Variants in RPTOR observed in about 807,000 individuals in gnomAD.
RPTOR encodes the protein regulatory associated protein of MTOR complex 1.
Under a neutral mutation model 169.9 loss-of-function variants are expected in RPTOR, and 21 were observed. That is an observed-to-expected ratio of 0.12 (90% CI 0.09 to 0.18). The LOEUF (loss-of-function observed/expected upper bound fraction) is 0.18, where lower values mean the gene tolerates loss of function less well. RPTOR is among the 10% of genes least tolerant of loss of function. The probability of loss-of-function intolerance (pLI) is 1.00; values close to 1 mark genes in which losing one functional copy is unlikely to be tolerated. For missense variants in RPTOR, 1,133 were observed against 1,855.9 expected (o/e 0.61, Z 7.16); for synonymous variants, 732 against 753.2 (o/e 0.97, Z 0.46).
chr17:80,957,125 C>A lies in RPTOR; in HGVS notation c.3371-499C>A, dbSNP rs570915510. ...TTCCAGCTTAGAACTGTCACCCCGGCCTGGACTTGGGAGTTCCAGCTTAGA... is the reference window on the plus strand; with the variant it reads ...TTCCAGCTTAGAACTGTCACCCCGGACTGGACTTGGGAGTTCCAGCTTAGA... On this transcript the variant is annotated intron_variant, in intron 28 of 33. Transcript: ENST00000306801. The surrounding 1 kb of genome is among the most constrained non-coding windows in gnomAD (Gnocchi z 4.6). 5.2e-4 allele frequency among the ~76,000 whole-genome samples: 74 copies of A among 143,432 alleles called. No individual in the cohort carries two copies. Among genetic ancestry groups the A allele is most frequent in the African/African-American group, 1.8e-3 (68 of 37,978 alleles). 94.1% of individuals were successfully genotyped at this position (143,432 alleles called of 152,430 possible).
At chr17:80,814,749 A>G (rs2067306861) in intron 7 of RPTOR, among the ~76,000 whole-genome samples, 1 of 152,188 alleles carries the variant, frequency 6.6e-6, no homozygotes, top group Non-Finnish European at 1.5e-5. Flanking sequence ...ATGAAGAAAG[A>G]ATGTAGTCCT....
At chr17:80,840,703 G>A (rs1385650131) in intron 10 of RPTOR, among the ~76,000 whole-genome samples, 1 of 115,470 alleles carries the variant, frequency 8.7e-6, no homozygotes, top group African/African-American at 3.3e-5. Flanking sequence ...CTCACCACAC[G>A]GCAGCTCACA....
intron 6 of RPTOR, among the ~76,000 whole-genome samples, chr17:80,774,715 C>T (rs532395007): frequency 2.0e-5 from 3 of 152,214 alleles, no homozygotes; most frequent in South Asian, 2.1e-4. Flanking sequence ...GTAATGGGGG[C>T]GGCCCCTGGG....
At chr17:80,683,200 C>T (rs1190194568) in intron 3 of RPTOR, among the ~76,000 whole-genome samples, 1 of 152,194 alleles carries the variant, frequency 6.6e-6, no homozygotes, top group African/African-American at 2.4e-5. Flanking sequence ...TTTTTGATGG[C>T]ACTTCATCCT....
At chr17:80,908,954 C>A in intron 21 of RPTOR, 25 bp downstream of exon 21, 1 of 1,513,614 alleles carries the variant, frequency 6.6e-7, no homozygotes, top group Non-Finnish European at 9.2e-7. Context: ...CTCCCCACCG[C>A]GCTCCAGCTG....
intron 15 of RPTOR, 117 bp downstream of exon 15, chr17:80,883,601 A>G (rs1598376536): frequency 2.5e-6 from 3 of 1,220,320 alleles, no homozygotes; most frequent in Non-Finnish European, 3.6e-6. Flanking sequence ...AGAGGCTCTG[A>G]CCCTTCATCT....
intron 1 of RPTOR, among the ~76,000 whole-genome samples, chr17:80,581,051 T>C (rs2065009281): frequency 2.0e-5 from 3 of 152,172 alleles, no homozygotes. Flanking sequence ...ATTGAACCTT[T>C]CCTATTCATC....
At chr17:80,940,955 C>A (rs796246920) in intron 25 of RPTOR, among the ~76,000 whole-genome samples, 1 of 152,230 alleles carries the variant, frequency 6.6e-6, no homozygotes, top group African/African-American at 2.4e-5. Flanking sequence ...GGAGGCGGAA[C>A]TTTGCATGTT....
At chr17:80,851,337 C>A (rs573627898) in intron 11 of RPTOR, among the ~76,000 whole-genome samples, 1 of 152,090 alleles carries the variant, frequency 6.6e-6, no homozygotes, top group Admixed American at 6.5e-5. Context: ...TGGGATGGTC[C>A]GGAACAGGAG....
intron 20 of RPTOR, among the ~76,000 whole-genome samples, chr17:80,902,951 T>G (rs2068494958): frequency 6.6e-6 from 1 of 152,218 alleles, no homozygotes; most frequent in Admixed American, 6.5e-5. Flanking sequence ...CTGAGAAGGC[T>G]CTTCCCGCAG....
At chr17:80,781,258 AT>A (rs1247467550) in intron 6 of RPTOR, among the ~76,000 whole-genome samples, 1 of 152,124 alleles carries the variant, frequency 6.6e-6, no homozygotes, top group Admixed American at 6.5e-5. Flanking sequence ...GTTTTAATTA[AT>A]TTTTTTAACT....
intron 6 of RPTOR, among the ~76,000 whole-genome samples, chr17:80,790,375 G>A (rs534775423): frequency 6.6e-6 from 1 of 152,328 alleles, no homozygotes; most frequent in Admixed American, 6.5e-5. Flanking sequence ...TGGCAGCCAT[G>A]CATGGGGTCC....
intron 20 of RPTOR, among the ~76,000 whole-genome samples, chr17:80,903,144 C>T (rs2068497522): frequency 6.6e-6 from 1 of 152,198 alleles, no homozygotes; most frequent in Non-Finnish European, 1.5e-5. Context: ...GGAACACAGC[C>T]CTGCGGAGCC....
chr17:80,743,993 G>GGCTACT (rs2066526873), intron 5 of RPTOR, among the ~76,000 whole-genome samples: 1 of 666 alleles, frequency 1.5e-3, no homozygotes. Context: ...TCCTGGTTAT[G>GGCTACT]AGCACAGCCC....
intron 1 of RPTOR, among the ~76,000 whole-genome samples, chr17:80,577,279 A>T (rs1341217054): frequency 1.3e-5 from 2 of 151,840 alleles, no homozygotes; most frequent in Non-Finnish European, 2.9e-5. Context: ...ATCCATCTGA[A>T]CTGGCCTCCC....
intron 9 of RPTOR, among the ~76,000 whole-genome samples, chr17:80,827,234 G>A (rs2067454423): frequency 6.6e-6 from 1 of 152,214 alleles, no homozygotes; most frequent in African/African-American, 2.4e-5. Flanking sequence ...CGCCACTTGT[G>A]GGAAATAGAA....
rs2068456585 is a variant in RPTOR, at chr17:80,900,114, A to G, written c.2401+6249A>G. 3.3e-5 allele frequency among the ~76,000 whole-genome samples: 5 copies of G among 151,904 alleles called. No homozygotes were observed. The South Asian group carries it at 1.0e-3, about 32-fold the overall frequency. ...AGTGGGCGTCCTCCCTCTGCAGCCAAGGGGACCGGCGTTTACTCAGGTTGA... is the reference window on the plus strand; with the variant it reads ...AGTGGGCGTCCTCCCTCTGCAGCCAGGGGGACCGGCGTTTACTCAGGTTGA... On this transcript the variant is annotated intron_variant, in intron 20 of 33. Coordinates refer to ENST00000306801, the MANE Select transcript of RPTOR (RefSeq NM_020761.3).
intron 20 of RPTOR, among the ~76,000 whole-genome samples, chr17:80,907,426 C>G (rs1333658156): frequency 2.6e-5 from 4 of 152,268 alleles, no homozygotes; most frequent in Non-Finnish European, 4.4e-5. Context: ...GAGGCAGCGC[C>G]TGGCCCCGCT....
At chr17:80,868,751 A>C (rs1324430325) in intron 13 of RPTOR, among the ~76,000 whole-genome samples, 1 of 152,250 alleles carries the variant, frequency 6.6e-6, no homozygotes, top group Non-Finnish European at 1.5e-5. Context: ...CGGATGAATA[A>C]GCAAACTGCA....
Sources: gnomAD v4.1 joint callset for allele counts (sites outside exome capture counted in the v4.1 genomes callset) on GRCh38, gnomAD v4.1.1 for gene constraint, Gnocchi (gnomAD v3.1) non-coding constraint, MANE v1.5 for transcripts, NCBI Gene and HGNC (gene_info 2026-07-23, HGNC 2026-07-21) for gene names.